RTN1: variants seen among roughly 807,000 people sequenced by gnomAD.
RTN1 encodes reticulon-1.
In RTN1, 25 loss-of-function variants were observed where a neutral mutation model predicts 65.5. The observed-to-expected ratio is 0.38, with a 90% CI of 0.28 to 0.53. The LOEUF (loss-of-function observed/expected upper bound fraction) is 0.53, where lower values mean the gene tolerates loss of function less well. RTN1 is among the 20% of genes least tolerant of loss of function. The pLI is 0.79. For missense variants in RTN1, 983 were observed against 1,025.4 expected (o/e 0.96, Z 0.57); for synonymous variants, 471 against 447.6 (o/e 1.05, Z -0.66).
At chr14:59,820,394 TTTTAC>T (rs1886922569) in intron 1 of RTN1, among the ~76,000 whole-genome samples, 1 of 146,552 alleles carries the variant, frequency 6.8e-6, no homozygotes, top group South Asian at 2.1e-4. Flanking sequence ...TGCAGAAGCT[TTTTAC>T]TTTAATTAGG....
intron 3 of RTN1, among the ~76,000 whole-genome samples, chr14:59,608,456 T>A (rs111864306): frequency 1.3e-5 from 2 of 152,146 alleles, no homozygotes; most frequent in Non-Finnish European, 2.9e-5. Flanking sequence ...CATGGGTGTG[T>A]AATTAGCATG....
At chr14:59,725,075 G>A (rs1485411421) in intron 3 of RTN1, among the ~76,000 whole-genome samples, 1 of 152,154 alleles carries the variant, frequency 6.6e-6, no homozygotes, top group African/African-American at 2.4e-5. Context: ...CAAGCCATAT[G>A]GGGCAACTTG....
chr14:59,779,752 C>G (rs1012978059), intron 1 of RTN1, among the ~76,000 whole-genome samples: 1 of 152,124 alleles, frequency 6.6e-6, no homozygotes, highest in African/African-American at 2.4e-5. Context: ...TACTGCTTCC[C>G]TGGTCCTGGC....
Position 59,604,718 on chromosome 14 carries a change from A to T in RTN1, c.2112+650T>A, listed in dbSNP as rs1302207728. The T allele has an allele frequency of 4.6e-5, 7 of 152,258 alleles. No individual in the cohort carries two copies. The East Asian group carries it at 1.3e-3, about 29-fold the overall frequency. 9.4% of individuals were successfully genotyped at this position (152,258 alleles called of 1,614,324 possible). Reference sequence around the variant, plus strand: ...GCTGTGAGAGCACAGAAACTTCACAACTACCTTGTCTGGGCTTCCCCAGCT... The same window carrying T: ...GCTGTGAGAGCACAGAAACTTCACATCTACCTTGTCTGGGCTTCCCCAGCT... On this transcript the variant is annotated intron_variant, in intron 5 of 8. Transcript: ENST00000267484.
intron 3 of RTN1, among the ~76,000 whole-genome samples, chr14:59,671,520 T>C (rs1166940032): frequency 1.3e-5 from 2 of 152,220 alleles, no homozygotes; most frequent in African/African-American, 4.8e-5. Flanking sequence ...TTCACATGGA[T>C]TATTTTATTT....
intron 1 of RTN1, among the ~76,000 whole-genome samples, chr14:59,853,219 GTATCTCCTCTA>G (rs1176828273): frequency 1.3e-5 from 2 of 152,142 alleles, no homozygotes; most frequent in Non-Finnish European, 2.9e-5. Flanking sequence ...CTAATCTAAT[GTATCTCCTCTA>G]TTATAACCCC....
intron 3 of RTN1, among the ~76,000 whole-genome samples, chr14:59,614,794 AC>A: frequency 6.6e-6 from 1 of 152,344 alleles, no homozygotes; most frequent in Middle Eastern, 3.4e-3. Flanking sequence ...CCTAGGCTCC[AC>A]CCTTAGTAGA....
chr14:59,764,831 C>T (rs1885818759), intron 1 of RTN1, among the ~76,000 whole-genome samples: 1 of 152,106 alleles, frequency 6.6e-6, no homozygotes, highest in African/African-American at 2.4e-5. Flanking sequence ...TGTACCAGGG[C>T]CATACTTACA....
At chr14:59,842,815 T>C (rs1214220325) in intron 1 of RTN1, among the ~76,000 whole-genome samples, 1 of 152,190 alleles carries the variant, frequency 6.6e-6, no homozygotes, top group African/African-American at 2.4e-5. Flanking sequence ...TCCACTAGAA[T>C]GTCTGAAATT....
chr14:59,699,728 C>T (rs962189936), intron 3 of RTN1, among the ~76,000 whole-genome samples: 14 of 152,022 alleles, frequency 9.2e-5, no homozygotes, highest in African/African-American at 3.1e-4. Context: ...TTCAAGGAGG[C>T]GAAACAGAAT....
At chr14:59,681,353 T>A (rs1384351762) in intron 3 of RTN1, among the ~76,000 whole-genome samples, 2 of 152,198 alleles carry the variant, frequency 1.3e-5, no homozygotes, top group Non-Finnish European at 2.9e-5. Flanking sequence ...CATGAGTAAC[T>A]GTCTCTCAAT....
intron 1 of RTN1, among the ~76,000 whole-genome samples, chr14:59,746,862 G>A (rs536688146): frequency 6.6e-6 from 1 of 152,254 alleles, no homozygotes; most frequent in South Asian, 2.1e-4. Flanking sequence ...TTTAAGTAGA[G>A]GTGGAAATTA....
At chr14:59,857,362 A>G (rs534961969) in intron 1 of RTN1, among the ~76,000 whole-genome samples, 1 of 152,204 alleles carries the variant, frequency 6.6e-6, no homozygotes, top group Non-Finnish European at 1.5e-5. Context: ...TGCCAAGTAG[A>G]AATTTCCATT....
At chr14:59,661,686 C>T (rs984041653) in intron 3 of RTN1, among the ~76,000 whole-genome samples, 13 of 152,158 alleles carry the variant, frequency 8.5e-5, no homozygotes, top group Middle Eastern at 6.8e-3. Context: ...AAAAGGCTTT[C>T]GATAAAATTC....
At chr14:59,629,781 G>T (rs1882494325) in intron 3 of RTN1, among the ~76,000 whole-genome samples, 2 of 152,074 alleles carry the variant, frequency 1.3e-5, no homozygotes, top group Non-Finnish European at 2.9e-5. Context: ...AGGGCCACGG[G>T]CACTGTTTCG....
At chr14:59,643,671 C>G (rs1882829461) in intron 3 of RTN1, among the ~76,000 whole-genome samples, 1 of 152,046 alleles carries the variant, frequency 6.6e-6, no homozygotes, top group Non-Finnish European at 1.5e-5. Flanking sequence ...ACAATAAAAA[C>G]AAAACTGAGC....
rs567359227 is a variant in RTN1 at position 59,860,700 on chromosome 14, A to C, written c.241+9690T>G. On this transcript the variant is annotated intron_variant, in intron 1 of 8. Transcript: ENST00000267484. ...AAAAGCCACAGGGGCAGAGCTTCCC[A>C]AGACCATGGGAACCCACCTCCTGCA... 1.4e-4 allele frequency among the ~76,000 whole-genome samples: 21 copies of C among 152,290 alleles called. No homozygotes were observed. In the South Asian group the frequency reaches 4.1e-3, roughly 30 times the overall value.
intron 8 of RTN1, among the ~76,000 whole-genome samples, chr14:59,597,522 C>G (rs1465417634): frequency 1.3e-5 from 2 of 152,244 alleles, no homozygotes. Flanking sequence ...AGACCTCCCT[C>G]TGTGCCATGA....
intron 1 of RTN1, among the ~76,000 whole-genome samples, chr14:59,840,948 C>T (rs747737995): frequency 2.6e-5 from 4 of 152,160 alleles, no homozygotes; most frequent in African/African-American, 9.7e-5. Flanking sequence ...AATTAAATAT[C>T]GGGGTCATTT....
Sources: allele counts gnomAD v4.1 joint callset (sites outside exome capture counted in the v4.1 genomes callset), GRCh38; gene constraint gnomAD v4.1.1; transcripts MANE v1.5; gene names NCBI Gene and HGNC (gene_info 2026-07-23, HGNC 2026-07-21).